The following FOXJ3 variants were observed in gnomAD, a reference collection of about 807,000 sequenced individuals.
FOXJ3 encodes forkhead box protein J3.
In FOXJ3, 22 loss-of-function variants were observed where a neutral mutation model predicts 76.1. The ratio of observed to expected loss-of-function variants is 0.29; its 90% confidence interval spans 0.21 to 0.41. The LOEUF (loss-of-function observed/expected upper bound fraction) is 0.41. FOXJ3 is among the 10% of genes least tolerant of loss of function. FOXJ3 has a pLI of 1.00. For synonymous variants in FOXJ3, 269 were observed against 261.2 expected (o/e 1.03, Z -0.29); for missense variants, 613 against 762.1 (o/e 0.80, Z 2.30).
At chr1:42,212,523 A>G (rs1646984242) in intron 5 of FOXJ3, among the ~76,000 whole-genome samples, 2 of 152,162 alleles carry the variant, frequency 1.3e-5, no homozygotes, top group Non-Finnish European at 2.9e-5. Flanking sequence ...TAACCTCATC[A>G]GATAAAAATA....
intron 2 of FOXJ3, among the ~76,000 whole-genome samples, chr1:42,303,514 G>A (rs1398799502): frequency 1.3e-5 from 2 of 152,156 alleles, no homozygotes; most frequent in African/African-American, 4.8e-5. Context: ...CTAAACAGCA[G>A]GGTCATCAAT....
chr1:42,203,321 T>C (rs992105284), intron 6 of FOXJ3, among the ~76,000 whole-genome samples: 2 of 152,218 alleles, frequency 1.3e-5, no homozygotes, highest in African/African-American at 4.8e-5. Context: ...CTCTCTCTCC[T>C]AGCATGCCTG....
chr1:42,300,199 C>CA (rs1045062301), intron 2 of FOXJ3, among the ~76,000 whole-genome samples: 104 of 149,648 alleles, frequency 6.9e-4, no homozygotes, highest in Non-Finnish European at 1.3e-3. Flanking sequence ...GACTCTGTCT[C>CA]AAAAAAAAAT....
chr1:42,329,636 G>T (rs531258683), intron 1 of FOXJ3, among the ~76,000 whole-genome samples: 2 of 152,308 alleles, frequency 1.3e-5, no homozygotes, highest in Admixed American at 1.3e-4. Flanking sequence ...AAAGCTAAGT[G>T]ACTAACAAAG....
At chr1:42,274,273 T>G (rs940668192) in intron 3 of FOXJ3, among the ~76,000 whole-genome samples, 1 of 152,220 alleles carries the variant, frequency 6.6e-6, no homozygotes, top group Non-Finnish European at 1.5e-5. Flanking sequence ...GATTCATGTT[T>G]CATTCAAGTT....
At chr1:42,270,643 T>C (rs1237858224) in intron 3 of FOXJ3, among the ~76,000 whole-genome samples, 1 of 152,158 alleles carries the variant, frequency 6.6e-6, no homozygotes, top group East Asian at 1.9e-4. Context: ...GTGATTTTTT[T>C]CAATCACCTA....
chr1:42,333,424 T>C (rs935467658), intron 1 of FOXJ3, among the ~76,000 whole-genome samples: 2 of 151,924 alleles, frequency 1.3e-5, no homozygotes, highest in South Asian at 2.1e-4. Flanking sequence ...AAAAATCTAA[T>C]GAAAGCATGA....
chr1:42,198,496 C>T (rs1050961858), intron 7 of FOXJ3, among the ~76,000 whole-genome samples: 3 of 151,960 alleles, frequency 2.0e-5, no homozygotes, highest in African/African-American at 4.8e-5. Flanking sequence ...ATTATCTGCT[C>T]ACTGAGGAAG....
intron 4 of FOXJ3, among the ~76,000 whole-genome samples, chr1:42,244,791 G>A (rs891367495): frequency 1.3e-5 from 2 of 152,024 alleles, no homozygotes; most frequent in African/African-American, 4.8e-5. Flanking sequence ...GAGAGGAAAT[G>A]AATAAATTCA....
At position 42,178,428 on chromosome 1, in the gene FOXJ3, G is replaced by C. The variant is rs942236911; in HGVS notation, c.*1282C>G. 6.6e-6 allele frequency: 1 copy of C among 152,210 alleles called. No homozygotes were observed. Among genetic ancestry groups the C allele is most frequent in the African/African-American group, 2.4e-5 (1 of 41,456 alleles). 9.4% of individuals were successfully genotyped at this position (152,210 alleles called of 1,614,324 possible). On this transcript the variant is annotated 3_prime_UTR_variant, in exon 13 of 13. Coordinates refer to ENST00000361346, the MANE Select transcript of FOXJ3 (RefSeq NM_014947.5). ...GAGAAATCTATTCACATGGTAAAAG[G>C]AGTGATGATAGAGAATGACACAATG...
At chr1:42,191,826 C>T in intron 8 of FOXJ3, 107 bp from the exon 9 acceptor site, 2 of 1,191,442 alleles carry the variant, frequency 1.7e-6, no homozygotes, top group Non-Finnish European at 2.4e-6. Context: ...GGAAGCAACA[C>T]TGGTTCAATT....
chr1:42,306,298 C>CTTTTTTCTT (rs1654461238), intron 2 of FOXJ3, among the ~76,000 whole-genome samples: 1 of 81,670 alleles, frequency 1.2e-5, no homozygotes, highest in Non-Finnish European at 2.3e-5. Flanking sequence ...GAACTTTTTT[C>CTTTTTTCTT]TTTTTTTTTT....
Position 42,247,224 on chromosome 1 carries a change from CCT to C in FOXJ3, c.444+17889_444+17890del, listed in dbSNP as rs1163922617. Among the ~76,000 whole-genome samples the C allele has an allele frequency of 3.0e-4, 46 of 151,912 alleles. 1 individual carries two copies. The highest frequency in any genetic ancestry group is 7.4e-5 in the Non-Finnish European group (5 of 67,956). ...TTAAGGTGATATATTCCCTAATTAC[CCT>C]GAGTTGATCATTACACATTCTATGT... On this transcript the variant is annotated intron_variant, in intron 4 of 12. Transcript: ENST00000361346.
chr1:42,181,011 A>T (rs1463692409), intron 12 of FOXJ3, among the ~76,000 whole-genome samples: 1 of 152,248 alleles, frequency 6.6e-6, no homozygotes, highest in Admixed American at 6.5e-5. Context: ...TCAGCAAAGG[A>T]CATATCACTT....
At chr1:42,275,403 T>C (rs994996413) in intron 3 of FOXJ3, among the ~76,000 whole-genome samples, 3 of 152,160 alleles carry the variant, frequency 2.0e-5, no homozygotes, top group Non-Finnish European at 4.4e-5. Flanking sequence ...GAATATAACA[T>C]GTGCAGGGAC....
chr1:42,291,924 C>G (rs1401910997), intron 2 of FOXJ3, among the ~76,000 whole-genome samples: 1 of 152,034 alleles, frequency 6.6e-6, no homozygotes, highest in Non-Finnish European at 1.5e-5. Context: ...AGCAAAGATT[C>G]AGAGGAGCCG....
rs563770476 is a variant in FOXJ3, at chr1:42,249,620, G to A, written c.444+15495C>T. ...AAGTTTCTTTTGAGAATAGAACAGC[G>A]ACTTCTTAGTTAACTAGGAAAAGAC... On this transcript the variant is annotated intron_variant, in intron 4 of 12. Transcript: ENST00000361346. Among the ~76,000 whole-genome samples, 11 of 152,278 alleles carry A rather than the reference G, an allele frequency of 7.2e-5. No individual in the cohort carries two copies. In the South Asian group the frequency reaches 1.5e-3, roughly 20 times the overall value.
At chr1:42,315,460 C>T (rs1336278139) in intron 1 of FOXJ3, 1 of 960,872 alleles carries the variant, frequency 1.0e-6, no homozygotes, top group African/African-American at 1.8e-5. Context: ...ACTAAACTGT[C>T]CAAACACCAA....
intron 1 of FOXJ3, among the ~76,000 whole-genome samples, chr1:42,324,102 G>GTGTATATATAC (rs1655621364): frequency 2.1e-5 from 1 of 48,468 alleles, no homozygotes; most frequent in Non-Finnish European, 4.5e-5. Flanking sequence ...TATATATACT[G>GTGTATATATAC]TGTATATACA....
Sources: gnomAD v4.1 joint callset for allele counts (sites outside exome capture counted in the v4.1 genomes callset) on GRCh38, gnomAD v4.1.1 for gene constraint, MANE v1.5 for transcripts, NCBI Gene and HGNC (gene_info 2026-07-23, HGNC 2026-07-21) for gene names.